The following POPDC1 variants were observed in gnomAD, a reference collection of about 807,000 sequenced individuals.
POPDC1 encodes the protein popeye domain cAMP effector 1.
At chr6:105,128,445 T>G in the POPDC1 span, among the ~76,000 whole-genome samples, 1 of 152,154 alleles carries the variant, frequency 6.6e-6, no homozygotes, top group Non-Finnish European at 1.5e-5. Context: ...ATGAGATGCA[T>G]AGAATAGAAT....
chr6:105,101,257 A>G, the POPDC1 span: 1 of 1,527,248 alleles, frequency 6.5e-7, no homozygotes, highest in African/African-American at 1.4e-5. Context: ...TGCACAATCT[A>G]CCCAGACCCT....
chr6:105,129,123 C>T, the POPDC1 span, among the ~76,000 whole-genome samples: 2 of 152,062 alleles, frequency 1.3e-5, no homozygotes, highest in African/African-American at 4.8e-5. Context: ...AGTAATATGA[C>T]TTAAAAAGGA....
At chr6:105,133,190 C>T in the POPDC1 span, among the ~76,000 whole-genome samples, 1 of 152,122 alleles carries the variant, frequency 6.6e-6, no homozygotes, top group Admixed American at 6.5e-5. Flanking sequence ...CATGTGAAGG[C>T]CTATGCTCTA....
chr6:105,106,612 C>T, the POPDC1 span, among the ~76,000 whole-genome samples: 138,442 of 152,198 alleles, frequency 0.91, 63,302 homozygotes, highest in Non-Finnish European at 0.96. Flanking sequence ...AGATGGCAGC[C>T]AGGGCTGGGT....
chr6:105,098,254 T>C, the POPDC1 span: 1 of 152,142 alleles, frequency 6.6e-6, no homozygotes, highest in Non-Finnish European at 1.5e-5. Context: ...CCATAGGAGA[T>C]CTTACACTTA....
At chr6:105,107,529 C>T in the POPDC1 span, among the ~76,000 whole-genome samples, 3 of 152,284 alleles carry the variant, frequency 2.0e-5, no homozygotes, top group Middle Eastern at 3.4e-3. Flanking sequence ...TGGAGTACCA[C>T]GATGTGAAAT....
At chr6:105,132,922 T>A in the POPDC1 span, among the ~76,000 whole-genome samples, 368 of 152,340 alleles carry the variant, frequency 2.4e-3, no homozygotes, top group Admixed American at 2.7e-3. Flanking sequence ...AATATATATA[T>A]GACACACATT....
the POPDC1 span, among the ~76,000 whole-genome samples, chr6:105,126,650 T>A: frequency 2.4e-4 from 36 of 152,134 alleles, no homozygotes; most frequent in African/African-American, 8.5e-4. Context: ...AAAAATTTAC[T>A]AACTTTTAAA....
chr6:105,110,680 A>G, the POPDC1 span, among the ~76,000 whole-genome samples: 2 of 91,712 alleles, frequency 2.2e-5, no homozygotes, highest in Non-Finnish European at 4.8e-5. Flanking sequence ...TAGGCTGTCC[A>G]CAACAGCATT....
At chr6:105,100,542 GTATATATATGTATATATATATA>G in the POPDC1 span, 1 of 134,348 alleles carries the variant, frequency 7.4e-6, no homozygotes, top group Non-Finnish European at 1.5e-5. Flanking sequence ...ATGTGTGTAT[GTATATATATGTATATATATATA>G]TATATGTATG....
At chr6:105,126,051 C>A in the POPDC1 span, among the ~76,000 whole-genome samples, 323 of 151,976 alleles carry the variant, frequency 2.1e-3, 1 homozygote, top group Non-Finnish European at 2.8e-3. Flanking sequence ...TGGTGAAACC[C>A]CCATCTCTAC....
chr6:105,106,771 T>C, the POPDC1 span, among the ~76,000 whole-genome samples: 4 of 143,766 alleles, frequency 2.8e-5, no homozygotes, highest in South Asian at 4.7e-4. Context: ...GAGTCTTGAG[T>C]TAAAGAACCA....
At chr6:105,116,472 A>T in the POPDC1 span, among the ~76,000 whole-genome samples, 1 of 152,118 alleles carries the variant, frequency 6.6e-6, no homozygotes, top group Non-Finnish European at 1.5e-5. Context: ...GCTCTTGATG[A>T]AGAGGGTGCC....
the POPDC1 span, chr6:105,101,040 G>T: frequency 2.6e-6 from 4 of 1,540,760 alleles, no homozygotes; most frequent in Non-Finnish European, 3.5e-6. Context: ...TATTTTTCAG[G>T]ATCTCTTCAA....
chr6:105,119,333 G>A, the POPDC1 span, among the ~76,000 whole-genome samples: 1 of 152,088 alleles, frequency 6.6e-6, no homozygotes, highest in Non-Finnish European at 1.5e-5. Context: ...GTGACTACAA[G>A]GTTGGCTGTG....
the POPDC1 span, among the ~76,000 whole-genome samples, chr6:105,104,997 G>A: frequency 4.6e-5 from 7 of 152,240 alleles, no homozygotes; most frequent in East Asian, 3.9e-4. Flanking sequence ...AAAGACATCC[G>A]TGAAAGAAAA....
the POPDC1 span, chr6:105,125,663 T>G: frequency 7.5e-7 from 1 of 1,331,932 alleles, no homozygotes; most frequent in Non-Finnish European, 1.1e-6. Context: ...ATGGTTTTGA[T>G]AATTAACAAA....
chr6:105,125,552 G>A, the POPDC1 span: 4 of 1,613,894 alleles, frequency 2.5e-6, no homozygotes, highest in African/African-American at 2.7e-5. Context: ...GCCGGTACAT[G>A]CCACTGAGTT....
chr6:105,134,450 A>G, the POPDC1 span, among the ~76,000 whole-genome samples: 23 of 152,138 alleles, frequency 1.5e-4, no homozygotes, highest in Non-Finnish European at 3.1e-4. Flanking sequence ...TAATTGCACA[A>G]ATTTGGTCCT....
Sources: allele counts gnomAD v4.1 joint callset (sites outside exome capture counted in the v4.1 genomes callset), GRCh38; gene constraint gnomAD v4.1.1; transcripts MANE v1.5; gene names NCBI Gene and HGNC (gene_info 2026-07-23, HGNC 2026-07-21).